Variants in TULP2 observed in about 807,000 individuals in gnomAD.
TULP2 encodes TUB like protein 2.
A neutral mutation model predicts 60.3 loss-of-function variants in TULP2; 64 were observed. The observed-to-expected ratio is 1.06, with a 90% CI of 0.87 to 1.31. The LOEUF (loss-of-function observed/expected upper bound fraction) is 1.31. TULP2 is among the 50% of genes most tolerant of loss of function. TULP2 has a pLI of 0.00. For missense variants in TULP2, 652 were observed against 667.0 expected, an observed-to-expected ratio of 0.98 and a Z score of 0.25; for synonymous variants, 267 against 265.4, an observed-to-expected ratio of 1.01 and a Z score of -0.06.
At position 48,885,534 on chromosome 19, in the gene TULP2, T is replaced by C. The variant is rs148677904; in HGVS notation, c.975A>G (p.Arg325=). ...GGTAATTAGAAGTTTTGCTCCTTCT[T>C]CTCTTTCGCCCAGCCAGGAGGAAGC... ...LQRFLLAGRK[R]RRSKTSNYLI... is the part of the protein sequence containing the mutation. The change falls in exon 9 of 13, where the codon AGA becomes AGG. Residue 325 remains arginine (R), a synonymous_variant. Coordinates refer to ENST00000221399, the MANE Select transcript of TULP2 (RefSeq NM_003323.3). 12 of 1,613,954 alleles carry C rather than the reference T, an allele frequency of 7.4e-6. No homozygotes were observed. In the Admixed American group the frequency reaches 8.3e-5, roughly 11 times the overall value.
chr19:48,894,177 C>T (rs776339013), intron 6 of TULP2, among the ~76,000 whole-genome samples: 1 of 151,940 alleles, frequency 6.6e-6, no homozygotes, highest in Admixed American at 6.6e-5. Context: ...GGATTACAAG[C>T]CTGCACCCCC....
intron 6 of TULP2, among the ~76,000 whole-genome samples, chr19:48,892,676 T>C (rs56312501): frequency 0.28 from 43,106 of 151,728 alleles, 6,575 homozygotes; most frequent in African/African-American, 0.4. Context: ...GCTAATTTTT[T>C]GTATTTTCAG....
intron 9 of TULP2, among the ~76,000 whole-genome samples, chr19:48,884,744 T>G (rs2037164273): frequency 6.6e-6 from 1 of 151,788 alleles, no homozygotes; most frequent in Non-Finnish European, 1.5e-5. Flanking sequence ...CACTCCAGCC[T>G]GGGCAACAAA....
chr19:48,888,142 A>G lies in TULP2; in HGVS notation c.756T>C (p.His252=). The part of the protein sequence containing the change: ...LKGEGGTDSD[H]MRHEASLAIR... ...TTGCCAAGGAGGCTTCGTGCCTCAT[A>G]TGGTCGCTGTCCGTGCCACCCTCGC... is the stretch of plus-strand genomic sequence containing the variant. The change falls in exon 8 of 13, where the codon CAT becomes CAC. Residue 252 remains histidine (H), a synonymous_variant. Transcript: ENST00000221399. The G allele has an allele frequency of 6.2e-7, 1 of 1,614,170 alleles. No homozygotes were observed. Among genetic ancestry groups the G allele is most frequent in the Non-Finnish European group, 8.5e-7 (1 of 1,180,016 alleles).
intron 11 of TULP2, among the ~76,000 whole-genome samples, chr19:48,882,983 G>A (rs1282770673): frequency 6.6e-6 from 1 of 152,198 alleles, no homozygotes; most frequent in Non-Finnish European, 1.5e-5. Context: ...ACTTTGGGAG[G>A]CCGAGGCGGG....
intron 12 of TULP2, 83 bp from the exon 13 acceptor site, chr19:48,881,209 T>A: frequency 2.8e-6 from 1 of 351,192 alleles, no homozygotes; most frequent in Non-Finnish European, 4.1e-6. Context: ...TTTTTTTTTT[T>A]TCTTTTTTTT....
At chr19:48,881,613 G>C (rs2037133225) in intron 12 of TULP2, among the ~76,000 whole-genome samples, 1 of 151,844 alleles carries the variant, frequency 6.6e-6, no homozygotes, top group South Asian at 2.1e-4. Context: ...TCAATCTCCT[G>C]ACCTCGTATC....
intron 5 of TULP2, 25 bp from the exon 6 acceptor site, chr19:48,895,187 T>C (rs902422312): frequency 6.2e-7 from 1 of 1,608,310 alleles, no homozygotes; most frequent in Non-Finnish European, 8.5e-7. Context: ...AGGGGAGAGT[T>C]GGATTTCTGG....
chr19:48,897,584 G>C lies in TULP2; in HGVS notation c.33-188C>G. On this transcript the variant is annotated intron_variant, in intron 2 of 12. Coordinates refer to ENST00000221399, the MANE Select transcript of TULP2 (RefSeq NM_003323.3). The surrounding 1 kb of genome is among the most constrained non-coding windows in gnomAD (Gnocchi z 4.0). Reference sequence around the variant, plus strand: ...TTTCTCCTGGCACTGGCCCACAGAAGCCGGGACCCAGAGATCCCAGGTCCC... The same window carrying C: ...TTTCTCCTGGCACTGGCCCACAGAACCCGGGACCCAGAGATCCCAGGTCCC... 2 of 707,962 alleles carry C rather than the reference G, an allele frequency of 2.8e-6. No individual in the cohort carries two copies. Among genetic ancestry groups the C allele is most frequent in the Non-Finnish European group, 4.7e-6 (2 of 424,644 alleles). 43.9% of individuals were successfully genotyped at this position (707,962 alleles called of 1,614,324 possible).
Position 48,887,942 on chromosome 19 carries a change from T to G in TULP2, c.948+8A>C. On this transcript the variant is annotated splice_region_variant and intron_variant, in intron 8 of 12. Transcript: ENST00000221399. The stretch of plus-strand genomic sequence containing the variant: ...TACTCCCAAAGCTGTTGGGCTGGCT[T>G]ACTGCACCTGCAGGCTGTCAGAGGT... 1 of 1,605,134 alleles carries G rather than the reference T, an allele frequency of 6.2e-7. No homozygotes were observed. Among genetic ancestry groups the G allele is most frequent in the Non-Finnish European group, 8.5e-7 (1 of 1,172,960 alleles).
chr19:48,882,278 T>C, intron 11 of TULP2, 75 bp from the exon 12 acceptor site: 2 of 1,549,356 alleles, frequency 1.3e-6, no homozygotes, highest in African/African-American at 1.4e-5. Flanking sequence ...CGACTCCATC[T>C]TGAACAGGGG....
At position 48,889,587 on chromosome 19, in the gene TULP2, C is replaced by T; in HGVS notation, c.559G>A (p.Ala187Thr). The T allele has an allele frequency of 6.3e-7, 1 of 1,587,072 alleles. No individual in the cohort carries two copies. The highest frequency in any genetic ancestry group is 8.6e-7 in the Non-Finnish European group (1 of 1,157,774). Residue 187 changes from alanine to threonine, a missense_variant, in exon 7 of 13, where the codon GCA (alanine) becomes ACA (threonine). Transcript: ENST00000221399. ...GGTCCCATATTGGGTGACTTGTGTG[C>T]ATCTCCCATATCCTGGGAGTCACTC... ...GESDSQDMGDAHKSPNMGPNP... is the reference protein window; with the variant it reads ...GESDSQDMGDTHKSPNMGPNP...
chr19:48,883,802 G>T lies in TULP2; in HGVS notation c.1227C>A (p.Leu409=), dbSNP rs746669677. ...GCTGGTTCTGGCTGTTGGTTCCTGG[G>T]AGAATCACAGTCATTTTCCGAGGCC... ...YLGPRKMTVI[L]PGTNSQNQRI... is the part of the protein sequence containing the mutation. Residue 409 remains leucine, a synonymous_variant, in exon 11 of 13, where the codon CTC becomes CTA. Transcript: ENST00000221399. 1 of 1,614,074 alleles carries T rather than the reference G, an allele frequency of 6.2e-7. No individual in the cohort carries two copies. The highest frequency in any genetic ancestry group is 1.1e-5 in the South Asian group (1 of 91,070).
At chr19:48,885,391 C>A in intron 9 of TULP2, 57 bp downstream of exon 9, 1 of 1,439,870 alleles carries the variant, frequency 6.9e-7, no homozygotes, top group Non-Finnish European at 9.8e-7. Flanking sequence ...AATGGAGTCC[C>A]CCTGTCCCTA....
Position 48,897,058 on chromosome 19 carries a change from T to C in TULP2, c.84+287A>G, listed in dbSNP as rs1020513040. On this transcript the variant is annotated intron_variant, in intron 3 of 12. Coordinates refer to ENST00000221399, the MANE Select transcript of TULP2 (RefSeq NM_003323.3). The surrounding 1 kb of genome is among the most constrained non-coding windows in gnomAD (Gnocchi z 4.0). ...GCGCCTGCCACCACACCTGGCTAAT[T>C]TTTTGTGTGTTAGTAGAGACGGGGT... Among the ~76,000 whole-genome samples, 3 of 151,996 alleles carry C rather than the reference T, an allele frequency of 2.0e-5. No homozygotes were observed. The highest frequency in any genetic ancestry group is 2.0e-4 in the Admixed American group (3 of 15,246).
chr19:48,885,940 C>T (rs576201038), intron 8 of TULP2, among the ~76,000 whole-genome samples: 3 of 152,016 alleles, frequency 2.0e-5, no homozygotes, highest in East Asian at 3.9e-4. Context: ...CTGGTTAGAG[C>T]CAGGGGTCCA....
intron 6 of TULP2, among the ~76,000 whole-genome samples, chr19:48,891,359 G>C (rs955570080): frequency 7.1e-6 from 1 of 141,632 alleles, no homozygotes; most frequent in African/African-American, 2.6e-5. Flanking sequence ...TGGGCCAGGG[G>C]CGGTGGCTCA....
intron 7 of TULP2, 27 bp from the exon 8 acceptor site, chr19:48,888,288 G>C (rs754739139): frequency 1.3e-6 from 2 of 1,558,598 alleles, no homozygotes; most frequent in Non-Finnish European, 1.7e-6. Flanking sequence ...ATTTAAAGTC[G>C]AGGGACAACC....
At chr19:48,894,334 T>G (rs2037259310) in intron 6 of TULP2, among the ~76,000 whole-genome samples, 1 of 152,106 alleles carries the variant, frequency 6.6e-6, no homozygotes, top group Non-Finnish European at 1.5e-5. Context: ...AAAAATTTTT[T>G]TAAATAACAT....
Sources: allele counts gnomAD v4.1 joint callset (sites outside exome capture counted in the v4.1 genomes callset), GRCh38; gene constraint gnomAD v4.1.1; non-coding constraint Gnocchi (gnomAD v3.1); transcripts MANE v1.5; gene names NCBI Gene and HGNC (gene_info 2026-07-23, HGNC 2026-07-21).